RNF138: variants seen among roughly 807,000 people sequenced by gnomAD.
RNF138 encodes the protein E3 ubiquitin-protein ligase RNF138.
A neutral mutation model predicts 31.0 loss-of-function variants in RNF138; 12 were observed. The observed-to-expected ratio is 0.39, with a 90% CI of 0.25 to 0.63. RNF138 has a LOEUF of 0.63. Among genes scored for constraint, RNF138 ranks in the 20% least tolerant of loss-of-function variants. The probability of loss-of-function intolerance (pLI) is 0.52; values close to 1 mark genes in which losing one functional copy is unlikely to be tolerated. For synonymous variants in RNF138, 105 were observed against 99.5 expected (o/e 1.06, Z -0.33); for missense variants, 192 against 300.1 (o/e 0.64, Z 2.66).
intron 6 of RNF138, among the ~76,000 whole-genome samples, chr18:32,125,600 A>G (rs1464528273): frequency 2.0e-5 from 3 of 152,162 alleles, no homozygotes; most frequent in Admixed American, 2.0e-4. Flanking sequence ...AGATATTTCT[A>G]AGCTGTTTTA....
At chr18:32,107,872 T>C (rs1301879871) in intron 2 of RNF138, among the ~76,000 whole-genome samples, 1 of 151,558 alleles carries the variant, frequency 6.6e-6, no homozygotes, top group African/African-American at 2.4e-5. Context: ...AAAGGGTACT[T>C]TTTTTTTGGA....
chr18:32,097,797 A>G (rs1264894955), intron 2 of RNF138, among the ~76,000 whole-genome samples: 3 of 152,056 alleles, frequency 2.0e-5, no homozygotes, highest in East Asian at 1.9e-4. Context: ...TGCTGGGATT[A>G]TAGGCATGAG....
intron 4 of RNF138, among the ~76,000 whole-genome samples, chr18:32,115,797 T>G (rs549366434): frequency 4.6e-5 from 7 of 152,108 alleles, no homozygotes; most frequent in Admixed American, 3.9e-4. Flanking sequence ...ACTTCCTTAT[T>G]CCAAAGCCCT....
At chr18:32,098,836 G>A (rs1194674541) in intron 2 of RNF138, among the ~76,000 whole-genome samples, 2 of 146,564 alleles carry the variant, frequency 1.4e-5, no homozygotes, top group African/African-American at 2.5e-5. Context: ...CCGGGCGACA[G>A]AGTGAGACTC....
intron 1 of RNF138, 112 bp from the exon 2 acceptor site, chr18:32,092,588 C>T (rs1223945756): frequency 2.6e-5 from 15 of 580,156 alleles, no homozygotes; most frequent in Non-Finnish European, 4.6e-5. Flanking sequence ...TTGCCCGGCG[C>T]GTGCGGCAGT....
At chr18:32,121,987 G>A (rs534531893) in intron 4 of RNF138, among the ~76,000 whole-genome samples, 1 of 152,200 alleles carries the variant, frequency 6.6e-6, no homozygotes, top group Admixed American at 6.5e-5. Flanking sequence ...TCATGCCTCA[G>A]CCTCCCGAGT....
At chr18:32,126,091 C>A (rs183757228) in intron 6 of RNF138, among the ~76,000 whole-genome samples, 116 of 152,004 alleles carry the variant, frequency 7.6e-4, no homozygotes, top group Non-Finnish European at 1.8e-4. Flanking sequence ...TTAAGATGTA[C>A]TTCATTTAAA....
rs998290095 is a variant in RNF138, at chr18:32,129,772, T to G, written c.*585T>G. ...GAGATTTCTGTAATAATTTTAATTCTTTAAAAAGTGAAAGCTTGTTGTAAA... is the reference window on the plus strand; with the variant it reads ...GAGATTTCTGTAATAATTTTAATTCGTTAAAAAGTGAAAGCTTGTTGTAAA... On this transcript the variant is annotated 3_prime_UTR_variant, in exon 8 of 8. Coordinates refer to ENST00000261593, the MANE Select transcript of RNF138 (RefSeq NM_016271.5). The G allele has an allele frequency of 6.6e-6, 1 of 152,606 alleles. No homozygotes were observed. Among genetic ancestry groups the G allele is most frequent in the Non-Finnish European group, 1.5e-5 (1 of 67,986 alleles). 9.5% of individuals were successfully genotyped at this position (152,606 alleles called of 1,614,324 possible).
At position 32,123,668 on chromosome 18, in the gene RNF138, T is replaced by C. The variant is rs2040340876; in HGVS notation, c.449+94T>C. 3 of 846,494 alleles carry C rather than the reference T, an allele frequency of 3.5e-6. No homozygotes were observed. In the South Asian group the frequency reaches 5.9e-5, roughly 17 times the overall value. 52.4% of individuals were successfully genotyped at this position (846,494 alleles called of 1,614,324 possible). ...TAAATTAAACTTTTTTTTTTTTTTT[T>C]TGAGACGGAGTCTCACTTTGTTTTC... is the stretch of plus-strand genomic sequence containing the variant. On this transcript the variant is annotated intron_variant, in intron 5 of 7. Transcript: ENST00000261593.
chr18:32,113,762 G>A lies in RNF138; in HGVS notation c.294G>A (p.Met98Ile). 2 of 1,458,866 alleles carry A rather than the reference G, an allele frequency of 1.4e-6. No individual in the cohort carries two copies. The highest frequency in any genetic ancestry group is 1.9e-6 in the Non-Finnish European group (2 of 1,078,276). The allele number at this position is 1,458,866 out of a possible 1,614,324, so 90.4% of individuals were successfully genotyped here. Residue 98 changes from methionine to isoleucine, a missense_variant, in exon 4 of 8, where the codon ATG (methionine) becomes ATA (isoleucine). Physicochemically the swap from Met to Ile is conservative, Grantham distance 10. Transcript: ENST00000261593. ...CCAKQIKFYR[M>I]RHHYKSCKKY... Reference sequence around the variant, plus strand: ...ATTTACAGATTAAATTCTATCGCATGAGACATCATTACAAATCTTGTAAGA... The same window carrying A: ...ATTTACAGATTAAATTCTATCGCATAAGACATCATTACAAATCTTGTAAGA...
chr18:32,123,661 T>TC, intron 5 of RNF138, 87 bp downstream of exon 5: 1 of 985,146 alleles, frequency 1.0e-6, no homozygotes, highest in East Asian at 2.9e-5. Context: ...ACTTTTTTTT[T>TC]TTTTTTTTGA....
chr18:32,112,720 T>A (rs1466035041), intron 3 of RNF138, among the ~76,000 whole-genome samples: 1 of 152,150 alleles, frequency 6.6e-6, no homozygotes, highest in East Asian at 1.9e-4. Flanking sequence ...AAATATTTGG[T>A]TAATTTTAAG....
chr18:32,103,951 C>G (rs2039984856), intron 2 of RNF138, among the ~76,000 whole-genome samples: 2 of 148,296 alleles, frequency 1.3e-5, no homozygotes, highest in Non-Finnish European at 3.0e-5. Context: ...GGCGACAGAG[C>G]AAGACTCCGT....
At chr18:32,126,605 C>G in intron 6 of RNF138, 88 bp from the exon 7 acceptor site, 2 of 774,250 alleles carry the variant, frequency 2.6e-6, no homozygotes, top group Non-Finnish European at 4.2e-6. Flanking sequence ...TTTTTGGTAA[C>G]ATATCCCTGT....
chr18:32,105,577 T>C (rs914503809), intron 2 of RNF138, among the ~76,000 whole-genome samples: 1 of 152,230 alleles, frequency 6.6e-6, no homozygotes, highest in African/African-American at 2.4e-5. Flanking sequence ...ATCTCTGCTG[T>C]GTGCTATACA....
At chr18:32,104,045 GT>G (rs1469235284) in intron 2 of RNF138, among the ~76,000 whole-genome samples, 2 of 142,968 alleles carry the variant, frequency 1.4e-5, no homozygotes, top group Non-Finnish European at 1.5e-5. Flanking sequence ...GCAGAGTCTA[GT>G]TCTGTCGCCC....
intron 2 of RNF138, among the ~76,000 whole-genome samples, chr18:32,105,639 T>A (rs905920886): frequency 6.6e-6 from 1 of 152,188 alleles, no homozygotes; most frequent in African/African-American, 2.4e-5. Flanking sequence ...GCTTAAACTT[T>A]AGAAGGAAAT....
At chr18:32,118,700 G>A (rs1170463550) in intron 4 of RNF138, among the ~76,000 whole-genome samples, 5 of 145,602 alleles carry the variant, frequency 3.4e-5, no homozygotes, top group African/African-American at 7.6e-5. Context: ...GTGGTGGTGC[G>A]CGCCTGTAAT....
chr18:32,096,252 A>G lies in RNF138; in HGVS notation c.110+3366A>G, dbSNP rs191588384. Among the ~76,000 whole-genome samples the G allele has an allele frequency of 4.3e-4, 65 of 152,364 alleles. No homozygotes were observed. In the East Asian group the frequency reaches 0.012, roughly 27 times the overall value. On this transcript the variant is annotated intron_variant, in intron 2 of 7. Coordinates refer to ENST00000261593, the MANE Select transcript of RNF138 (RefSeq NM_016271.5). ...TCATTTTTAGAAAGTTTACCTTCAT[A>G]GCAGGGTTTTCAGCTTGGTAGTGGT...
Sources: gnomAD v4.1 joint callset for allele counts (sites outside exome capture counted in the v4.1 genomes callset) on GRCh38, gnomAD v4.1.1 for gene constraint, MANE v1.5 for transcripts, NCBI Gene and HGNC (gene_info 2026-07-23, HGNC 2026-07-21) for gene names.